TRPS1: variants seen among roughly 807,000 people sequenced by gnomAD.
TRPS1 encodes the protein zinc finger transcription factor Trps1.
Under a neutral mutation model 101.2 loss-of-function variants are expected in TRPS1, and 6 were observed. The ratio of observed to expected loss-of-function variants is 0.06; its 90% CI spans 0.03 to 0.12. The LOEUF (loss-of-function observed/expected upper bound fraction) is 0.12. Ranked by LOEUF, TRPS1 falls within the 10% of genes least tolerant of loss-of-function variation. TRPS1 has a pLI of 1.00. For synonymous variants in TRPS1, 578 were observed against 589.8 expected (o/e 0.98, Z 0.29); for missense variants, 1,363 against 1,567.0 (o/e 0.87, Z 2.20).
intron 5 of TRPS1, among the ~76,000 whole-genome samples, chr8:115,538,621 T>C (rs1160973667): frequency 6.6e-6 from 1 of 152,058 alleles, no homozygotes; most frequent in African/African-American, 2.4e-5. Context: ...CTTCCAAATG[T>C]ATCTTCTGAG....
intron 5 of TRPS1, among the ~76,000 whole-genome samples, chr8:115,543,945 T>C (rs1816513066): frequency 6.6e-6 from 1 of 152,036 alleles, no homozygotes; most frequent in African/African-American, 2.4e-5. Flanking sequence ...AACATAAAAA[T>C]GCAAATATCC....
intron 5 of TRPS1, among the ~76,000 whole-genome samples, chr8:115,470,690 C>T (rs988637257): frequency 1.2e-4 from 18 of 152,022 alleles, no homozygotes; most frequent in African/African-American, 4.3e-4. Flanking sequence ...TATTTAAGAA[C>T]AACAAAAGGT....
intron 5 of TRPS1, among the ~76,000 whole-genome samples, chr8:115,453,702 G>C (rs111684061): frequency 2.6e-5 from 4 of 152,196 alleles, no homozygotes; most frequent in Non-Finnish European, 4.4e-5. Context: ...CCTTCAAAGA[G>C]TCATGCATCT....
At chr8:115,502,509 C>T (rs1216405618) in intron 5 of TRPS1, among the ~76,000 whole-genome samples, 1 of 152,122 alleles carries the variant, frequency 6.6e-6, no homozygotes, top group Non-Finnish European at 1.5e-5. Flanking sequence ...TTTCAAAACA[C>T]CTAAAGGCTA....
intron 5 of TRPS1, among the ~76,000 whole-genome samples, chr8:115,420,164 C>T (rs867398688): frequency 8.5e-5 from 13 of 152,252 alleles, no homozygotes; most frequent in Middle Eastern, 6.8e-3. Context: ...TCCCCCCACC[C>T]GACTCTGGAC....
chr8:115,637,397 G>A lies in TRPS1; in HGVS notation c.-121-13639C>T, dbSNP rs954548795. ...GACATGTAGACGGAAGAAGGGAAAG[G>A]TAGAAAATGAAGAAAAGTGATGGGT... On this transcript the variant is annotated intron_variant, in intron 1 of 6. Transcript: ENST00000395715. 16 of 775,028 alleles carry A rather than the reference G, an allele frequency of 2.1e-5. No individual in the cohort carries two copies. The African/African-American group carries it at 2.8e-4, about 14-fold the overall frequency. 48.0% of individuals were successfully genotyped at this position (775,028 alleles called of 1,614,324 possible).
chr8:115,522,366 C>A (rs950476492), intron 5 of TRPS1, among the ~76,000 whole-genome samples: 1 of 151,902 alleles, frequency 6.6e-6, no homozygotes, highest in Non-Finnish European at 1.5e-5. Context: ...TGTTATAATT[C>A]ATATGGGTGC....
At chr8:115,431,672 G>A (rs555460158) in intron 5 of TRPS1, among the ~76,000 whole-genome samples, 1 of 151,832 alleles carries the variant, frequency 6.6e-6, no homozygotes, top group Non-Finnish European at 1.5e-5. Context: ...ATTCCCTCAT[G>A]CATGTTTTAT....
chr8:115,627,292 C>T (rs1190966706), intron 1 of TRPS1, among the ~76,000 whole-genome samples: 1 of 151,696 alleles, frequency 6.6e-6, no homozygotes, highest in Non-Finnish European at 1.5e-5. Context: ...TGTTTCCCTG[C>T]AGAAAAGTAG....
At chr8:115,486,608 T>C (rs1172234570) in intron 5 of TRPS1, among the ~76,000 whole-genome samples, 1 of 152,204 alleles carries the variant, frequency 6.6e-6, no homozygotes, top group Non-Finnish European at 1.5e-5. Flanking sequence ...AATATACAAA[T>C]GATAAAATAG....
chr8:115,592,733 G>A (rs930775025), intron 4 of TRPS1, among the ~76,000 whole-genome samples: 8 of 152,192 alleles, frequency 5.3e-5, no homozygotes, highest in African/African-American at 1.9e-4. Flanking sequence ...AATCACCTGG[G>A]GATTTCATTC....
intron 5 of TRPS1, among the ~76,000 whole-genome samples, chr8:115,499,944 TTTCTTTCTTTCTTTCTTTCTTTTC>T (rs1029429168): frequency 1.7e-5 from 1 of 58,416 alleles, no homozygotes; most frequent in African/African-American, 6.3e-5. Flanking sequence ...TCTTTCTTTC[TTTCTTTCTTTCTTTCTTTCTTTTC>T]TTTTCTTTTC....
At chr8:115,432,829 T>C (rs1381272367) in intron 5 of TRPS1, among the ~76,000 whole-genome samples, 3 of 152,012 alleles carry the variant, frequency 2.0e-5, no homozygotes, top group African/African-American at 4.8e-5. Flanking sequence ...TTGACCTTCC[T>C]AATAGATTTG....
rs1424387084 is a variant in TRPS1 at position 115,668,145 on chromosome 8, A to AG, written c.-122+399dup. 8.6e-6 allele frequency: 5 copies of AG among 580,434 alleles called. No homozygotes were observed. The East Asian group carries it at 1.5e-4, about 17-fold the overall frequency. 36.0% of individuals were successfully genotyped at this position (580,434 alleles called of 1,614,324 possible). ...GGCTGAACTTGACCCTGCTGACTCC[A>AG]GGGGCTACTGCAGTTTGAAGTCGCT... is the stretch of plus-strand genomic sequence containing the variant. On this transcript the variant is annotated intron_variant, in intron 1 of 6. Coordinates refer to ENST00000395715, the MANE Select transcript of TRPS1 (RefSeq NM_014112.5).
intron 5 of TRPS1, among the ~76,000 whole-genome samples, chr8:115,492,953 G>A (rs1342939330): frequency 6.6e-6 from 1 of 152,130 alleles, no homozygotes; most frequent in Non-Finnish European, 1.5e-5. Flanking sequence ...GACCTCAAGT[G>A]ATCTGTTCAC....
chr8:115,439,957 G>C (rs755667880), intron 5 of TRPS1, among the ~76,000 whole-genome samples: 6 of 152,104 alleles, frequency 3.9e-5, no homozygotes, highest in Non-Finnish European at 8.8e-5. Context: ...CTGCACTTTA[G>C]ATCTAAAAAG....
intron 5 of TRPS1, among the ~76,000 whole-genome samples, chr8:115,575,472 T>C (rs187562190): frequency 3.8e-4 from 58 of 152,308 alleles, no homozygotes; most frequent in Non-Finnish European, 7.2e-4. Flanking sequence ...TTAAAAACGT[T>C]GAAAACTTAT....
intron 5 of TRPS1, among the ~76,000 whole-genome samples, chr8:115,483,590 C>T (rs1814808227): frequency 6.6e-6 from 1 of 151,892 alleles, no homozygotes; most frequent in African/African-American, 2.4e-5. Flanking sequence ...ATAATCATCT[C>T]CATTTTACAG....
At chr8:115,445,583 G>A (rs1003442514) in intron 5 of TRPS1, among the ~76,000 whole-genome samples, 5 of 152,100 alleles carry the variant, frequency 3.3e-5, no homozygotes, top group Non-Finnish European at 4.4e-5. Flanking sequence ...TCGCAAATTC[G>A]GAGAGGCAGG....
Sources: gnomAD v4.1 joint callset for allele counts (sites outside exome capture counted in the v4.1 genomes callset) on GRCh38, gnomAD v4.1.1 for gene constraint, MANE v1.5 for transcripts, NCBI Gene and HGNC (gene_info 2026-07-23, HGNC 2026-07-21) for gene names.